The following CAMSAP2 variants were observed in gnomAD, a reference collection of about 807,000 sequenced individuals.
CAMSAP2 encodes calmodulin-regulated spectrin-associated protein 2.
In CAMSAP2, 26 loss-of-function variants were observed where a neutral mutation model predicts 146.1. That is an observed-to-expected ratio of 0.18 (90% CI 0.13 to 0.25). The LOEUF (loss-of-function observed/expected upper bound fraction) is 0.25. CAMSAP2 is among the 10% of genes least tolerant of loss of function. The pLI, the probability that CAMSAP2 is intolerant of heterozygous loss-of-function variation, is 1.00. For synonymous variants in CAMSAP2, 499 were observed against 596.6 expected, an observed-to-expected ratio of 0.84 and a Z score of 2.38; for missense variants, 1,381 against 1,759.3, an observed-to-expected ratio of 0.78 and a Z score of 3.85.
At chr1:200,742,780 A>G (rs1186836216) in intron 1 of CAMSAP2, among the ~76,000 whole-genome samples, 1 of 152,154 alleles carries the variant, frequency 6.6e-6, no homozygotes, top group Non-Finnish European at 1.5e-5. Context: ...TTTTATAACC[A>G]TATGTTGTAA....
intron 2 of CAMSAP2, among the ~76,000 whole-genome samples, chr1:200,767,156 C>A (rs1664976088): frequency 6.6e-6 from 1 of 152,044 alleles, no homozygotes; most frequent in Admixed American, 6.6e-5. Context: ...CATGGTGAAA[C>A]CCCATCTCTA....
chr1:200,849,606 C>T lies in CAMSAP2; in HGVS notation c.2837C>T (p.Ala946Val), dbSNP rs745989696. 6 of 1,614,208 alleles carry T rather than the reference C, an allele frequency of 3.7e-6. No homozygotes were observed. Among genetic ancestry groups the T allele is most frequent in the South Asian group, 3.3e-5 (3 of 91,088 alleles). Residue 946 changes from alanine (A) to valine (V), a missense_variant, in exon 11 of 17, where the codon GCA (alanine) becomes GTA (valine). Ala to Val is a moderately conservative substitution (Grantham distance 64). Around this residue, in one of 4 missense-constraint regions of CAMSAP2, gnomAD observed 560 missense variants for 715.9 expected, o/e 0.78. Transcript: ENST00000358823. The surrounding 1 kb of genome is among the most constrained non-coding windows in gnomAD (Gnocchi z 6.3). ...SKQAGLSSAI[A>V]PFSSDSPRPT... ...CAGGCAGGCCTGTCATCAGCCATTGCACCATTCTCCTCAGACTCCCCTCGT... is the reference window on the plus strand; with the variant it reads ...CAGGCAGGCCTGTCATCAGCCATTGTACCATTCTCCTCAGACTCCCCTCGT...
At position 200,840,604 on chromosome 1, in the gene CAMSAP2, C is replaced by T. The variant is rs375423410; in HGVS notation, c.928-1390C>T. ...CTACATACACGATAGCCTTCCAGAACTATCAGATGAGAGATGATATTTGAA... is the reference window on the plus strand; with the variant it reads ...CTACATACACGATAGCCTTCCAGAATTATCAGATGAGAGATGATATTTGAA... On this transcript the variant is annotated intron_variant, in intron 6 of 16. Coordinates refer to ENST00000358823, the MANE Select transcript of CAMSAP2 (RefSeq NM_203459.4). Among the ~76,000 whole-genome samples the T allele has an allele frequency of 1.9e-3, 296 of 152,230 alleles. 2 individuals carry two copies. Among genetic ancestry groups the T allele is most frequent in the African/African-American group, 6.3e-3 (263 of 41,532 alleles).
Position 200,860,156 on chromosome 1 carries a change from A to G in CAMSAP2, c.*2097A>G, listed in dbSNP as rs972396202. 1 of 152,736 alleles carries G rather than the reference A, an allele frequency of 6.5e-6. No homozygotes were observed. The highest frequency in any genetic ancestry group is 1.5e-5 in the Non-Finnish European group (1 of 67,996). The allele number at this position is 152,736 out of a possible 1,614,324, so 9.5% of individuals were successfully genotyped here. A position where few individuals can be genotyped will look rare whatever the true frequency, so the allele number is the denominator to read the frequency against. ...TTCATTGCTCTCAGTATAAGATTTT[A>G]CTTTATTAATGCAGAAGGAATATGG... On this transcript the variant is annotated 3_prime_UTR_variant, in exon 17 of 17. Coordinates refer to ENST00000358823, the MANE Select transcript of CAMSAP2 (RefSeq NM_203459.4).
At chr1:200,808,706 C>T (rs1246520554) in intron 3 of CAMSAP2, among the ~76,000 whole-genome samples, 1 of 152,156 alleles carries the variant, frequency 6.6e-6, no homozygotes, top group African/African-American at 2.4e-5. Context: ...ACAGACTTCC[C>T]ATTCTTGAAC....
intron 2 of CAMSAP2, among the ~76,000 whole-genome samples, chr1:200,789,986 A>G (rs931849869): frequency 2.6e-5 from 4 of 152,136 alleles, no homozygotes; most frequent in Non-Finnish European, 4.4e-5. Flanking sequence ...TGGCTTTTGT[A>G]TGTTAACCTT....
At chr1:200,780,143 CATT>C (rs1665393092) in intron 2 of CAMSAP2, among the ~76,000 whole-genome samples, 1 of 152,056 alleles carries the variant, frequency 6.6e-6, no homozygotes, top group Non-Finnish European at 1.5e-5. Context: ...TGTTAAAAAG[CATT>C]ATTTATTGAA....
chr1:200,852,502 C>T (rs753705955), intron 11 of CAMSAP2, 39 bp from the exon 12 acceptor site: 4 of 1,593,652 alleles, frequency 2.5e-6, no homozygotes, highest in Non-Finnish European at 3.4e-6. Context: ...ATATTGGTAC[C>T]TAAAATGTTT....
intron 3 of CAMSAP2, among the ~76,000 whole-genome samples, chr1:200,808,512 A>G (rs1481463948): frequency 6.6e-6 from 1 of 152,254 alleles, no homozygotes; most frequent in East Asian, 1.9e-4. Flanking sequence ...ACACTATTAC[A>G]GCTATCTTCA....
chr1:200,821,598 C>T lies in CAMSAP2; in HGVS notation c.645+5954C>T, dbSNP rs182453054. Among the ~76,000 whole-genome samples, 9 of 152,250 alleles carry T rather than the reference C, an allele frequency of 5.9e-5. No homozygotes were observed. In the East Asian group the frequency reaches 9.7e-4, roughly 16 times the overall value. ...CTGGTCTCAAACTCTTGGCCTCCAG[C>T]GATCCACCCGCCTCGGCCTCCCAGA... is the stretch of plus-strand genomic sequence containing the variant. On this transcript the variant is annotated intron_variant, in intron 4 of 16. Coordinates refer to ENST00000358823, the MANE Select transcript of CAMSAP2 (RefSeq NM_203459.4).
intron 2 of CAMSAP2, among the ~76,000 whole-genome samples, chr1:200,770,481 T>C (rs1171219389): frequency 6.6e-6 from 1 of 151,848 alleles, no homozygotes; most frequent in Non-Finnish European, 1.5e-5. Flanking sequence ...TGGCGCCATC[T>C]TGGCTCACTG....
chr1:200,757,023 T>C (rs1366590057), intron 1 of CAMSAP2, among the ~76,000 whole-genome samples: 1 of 152,212 alleles, frequency 6.6e-6, no homozygotes, highest in Non-Finnish European at 1.5e-5. Flanking sequence ...TTAAATGTTA[T>C]TGATCATCTT....
intron 4 of CAMSAP2, among the ~76,000 whole-genome samples, chr1:200,823,822 A>G (rs1312378546): frequency 1.3e-5 from 2 of 152,242 alleles, no homozygotes; most frequent in Non-Finnish European, 2.9e-5. Flanking sequence ...GAATACTTGC[A>G]TATACTATTG....
In CAMSAP2 at chr1:200,848,510, A is replaced by T. The variant is rs762399701; in HGVS notation, c.1741A>T (p.Asn581Tyr). Residue 581 changes from asparagine (N) to tyrosine (Y), a missense_variant, in exon 11 of 17, where the codon AAT (asparagine) becomes TAT (tyrosine). Coordinates refer to ENST00000358823, the MANE Select transcript of CAMSAP2 (RefSeq NM_203459.4). ...TCAAGAAATGAGTATCTTAAATTCAAATATCAAGTTAAATCAATCTAGTCC... is the reference window on the plus strand; with the variant it reads ...TCAAGAAATGAGTATCTTAAATTCATATATCAAGTTAAATCAATCTAGTCC... ...HSQEMSILNS[N>Y]IKLNQSSPDN... The T allele has an allele frequency of 6.2e-7, 1 of 1,613,902 alleles. No individual in the cohort carries two copies. Among genetic ancestry groups the T allele is most frequent in the Admixed American group, 1.7e-5 (1 of 59,972 alleles).
At chr1:200,812,921 T>C (rs1248787885) in intron 3 of CAMSAP2, among the ~76,000 whole-genome samples, 1 of 152,264 alleles carries the variant, frequency 6.6e-6, no homozygotes, top group Non-Finnish European at 1.5e-5. Context: ...CTTTTGCTTA[T>C]GTTTTTCATT....
At chr1:200,817,078 ATACACACACACGTATATATG>A (rs1666582759) in intron 4 of CAMSAP2, among the ~76,000 whole-genome samples, 1 of 139,046 alleles carries the variant, frequency 7.2e-6, no homozygotes, top group South Asian at 2.2e-4. Context: ...ATATATGTGT[ATACACACACACGTATATATG>A]TATACACACA....
chr1:200,756,633 C>T (rs1456065549), intron 1 of CAMSAP2, among the ~76,000 whole-genome samples: 2 of 152,024 alleles, frequency 1.3e-5, no homozygotes, highest in Non-Finnish European at 2.9e-5. Context: ...GGATTGCTGT[C>T]ACAGAAATTA....
intron 2 of CAMSAP2, among the ~76,000 whole-genome samples, chr1:200,774,754 C>A (rs1665225789): frequency 6.6e-6 from 1 of 152,118 alleles, no homozygotes; most frequent in African/African-American, 2.4e-5. Flanking sequence ...AATACGAAGA[C>A]CCTGAGTTAG....
At chr1:200,812,978 TTC>T (rs1418359120) in intron 3 of CAMSAP2, among the ~76,000 whole-genome samples, 1 of 152,222 alleles carries the variant, frequency 6.6e-6, no homozygotes, top group African/African-American at 2.4e-5. Flanking sequence ...AGCCAGCTTG[TTC>T]TCTTTAAGAT....
Sources: allele counts gnomAD v4.1 joint callset (sites outside exome capture counted in the v4.1 genomes callset), GRCh38; gene constraint gnomAD v4.1.1; regional missense constraint gnomAD v4.1.1; non-coding constraint Gnocchi (gnomAD v3.1); transcripts MANE v1.5; gene names NCBI Gene and HGNC (gene_info 2026-07-23, HGNC 2026-07-21).